Variants in CSMD1 observed in about 807,000 individuals in gnomAD.
The protein encoded by CSMD1 is CUB and Sushi multiple domains 1.
Under a neutral mutation model 417.5 loss-of-function variants are expected in CSMD1, and 213 were observed. That is an observed-to-expected ratio of 0.51 (90% CI 0.46 to 0.57). CSMD1 has a LOEUF of 0.57. CSMD1 is among the 20% of genes least tolerant of loss of function. The pLI is 0.00. For synonymous variants in CSMD1, 2,862 were observed against 1,736.8 expected, an observed-to-expected ratio of 1.65 and a Z score of -16.11; for missense variants, 6,923 against 4,529.7, an observed-to-expected ratio of 1.53 and a Z score of -15.17.
chr8:4,182,956 A>G (rs1242164857), intron 3 of CSMD1, among the ~76,000 whole-genome samples: 3 of 152,192 alleles, frequency 2.0e-5, no homozygotes, highest in African/African-American at 7.2e-5. Context: ...ATAATGGCCA[A>G]TAAAGAAAGA....
At chr8:3,253,441 A>T (rs1472682369) in intron 26 of CSMD1, among the ~76,000 whole-genome samples, 1 of 152,054 alleles carries the variant, frequency 6.6e-6, no homozygotes, top group Non-Finnish European at 1.5e-5. Flanking sequence ...GGAGTGCTTT[A>T]CTTCCAACTA....
chr8:4,679,090 C>T (rs955019109), intron 1 of CSMD1, among the ~76,000 whole-genome samples: 8 of 152,178 alleles, frequency 5.3e-5, no homozygotes, highest in Non-Finnish European at 8.8e-5. Context: ...GGTAGCCTCA[C>T]ATCTGGTCAT....
intron 1 of CSMD1, among the ~76,000 whole-genome samples, chr8:4,723,742 T>C (rs1809219561): frequency 6.7e-6 from 1 of 148,874 alleles, no homozygotes; most frequent in Non-Finnish European, 1.5e-5. Context: ...AATTTTCATA[T>C]GTGCTGTAAG....
chr8:3,556,414 T>TATATATA (rs1349911850), intron 10 of CSMD1, among the ~76,000 whole-genome samples: 6 of 142,002 alleles, frequency 4.2e-5, no homozygotes, highest in Admixed American at 1.4e-4. Context: ...TATATATATA[T>TATATATA]TCACACACAC....
intron 5 of CSMD1, among the ~76,000 whole-genome samples, chr8:3,951,049 G>C (rs897719292): frequency 5.9e-5 from 9 of 152,180 alleles, no homozygotes; most frequent in African/African-American, 1.9e-4. Context: ...GATTTTTAAA[G>C]CTGTTTCAAC....
At chr8:4,903,185 T>C (rs1212193457) in intron 1 of CSMD1, among the ~76,000 whole-genome samples, 1 of 152,164 alleles carries the variant, frequency 6.6e-6, no homozygotes, top group African/African-American at 2.4e-5. Flanking sequence ...CACAGGAACA[T>C]TTGTTATTTA....
At chr8:3,202,484 G>C (rs541349262) in intron 31 of CSMD1, among the ~76,000 whole-genome samples, 10 of 152,270 alleles carry the variant, frequency 6.6e-5, no homozygotes, top group Admixed American at 3.9e-4. Context: ...TACATGCTTT[G>C]TGACTTCAAA....
chr8:4,627,237 C>G (rs1802170937), intron 2 of CSMD1, among the ~76,000 whole-genome samples: 2 of 152,104 alleles, frequency 1.3e-5, no homozygotes, highest in Non-Finnish European at 2.9e-5. Flanking sequence ...TGTCCAGTCA[C>G]TTGAAATGGG....
intron 22 of CSMD1, among the ~76,000 whole-genome samples, chr8:3,347,201 T>C (rs926611354): frequency 6.6e-6 from 1 of 152,262 alleles, no homozygotes; most frequent in East Asian, 1.9e-4. Flanking sequence ...GATAGTATTA[T>C]AGCATTAGCT....
intron 5 of CSMD1, among the ~76,000 whole-genome samples, chr8:3,909,226 T>A (rs1563200803): frequency 6.6e-6 from 1 of 152,164 alleles, no homozygotes; most frequent in Non-Finnish European, 1.5e-5. Flanking sequence ...CCTCTCAACC[T>A]CGTCCTGGCT....
chr8:4,788,618 A>C, intron 1 of CSMD1: 1 of 914,408 alleles, frequency 1.1e-6, no homozygotes, highest in East Asian at 2.4e-5. Flanking sequence ...TTTAGGGGAA[A>C]AACTACAAAT....
At chr8:3,232,462 A>G (rs1798897891) in intron 26 of CSMD1, among the ~76,000 whole-genome samples, 1 of 152,178 alleles carries the variant, frequency 6.6e-6, no homozygotes, top group African/African-American at 2.4e-5. Flanking sequence ...CATTGCAGGA[A>G]TGCACCATGA....
chr8:4,400,661 C>T (rs934919647), intron 3 of CSMD1, among the ~76,000 whole-genome samples: 1 of 152,012 alleles, frequency 6.6e-6, no homozygotes, highest in African/African-American at 2.4e-5. Flanking sequence ...TAATACAACC[C>T]ATATTTTAGG....
intron 27 of CSMD1, among the ~76,000 whole-genome samples, chr8:3,226,136 T>G (rs1798489143): frequency 1.3e-5 from 2 of 152,216 alleles, no homozygotes; most frequent in African/African-American, 4.8e-5. Context: ...AATAGACACC[T>G]TTATGTCAGG....
intron 5 of CSMD1, among the ~76,000 whole-genome samples, chr8:3,768,383 A>G (rs1440868498): frequency 6.6e-6 from 1 of 152,222 alleles, no homozygotes; most frequent in Non-Finnish European, 1.5e-5. Flanking sequence ...CCAGCCTTTA[A>G]GGAGTAACAT....
rs1224632438 is a variant in CSMD1 at position 3,308,297 on chromosome 8, T to G, written c.3823+15A>C. On this transcript the variant is annotated intron_variant, in intron 24 of 69. Transcript: ENST00000635120. ...CCTGGCTTTTGCACAATGGTATGAC[T>G]GCTTCCACACTCACCTATGCACGAA... is the stretch of plus-strand genomic sequence containing the variant. 11 of 1,589,840 alleles carry G rather than the reference T, an allele frequency of 6.9e-6. No homozygotes were observed. Among genetic ancestry groups the G allele is most frequent in the Non-Finnish European group, 9.5e-6 (11 of 1,161,400 alleles).
At chr8:3,613,737 A>ACACACCCC (rs71203455) in intron 8 of CSMD1, among the ~76,000 whole-genome samples, 1 of 144,470 alleles carries the variant, frequency 6.9e-6, no homozygotes, top group South Asian at 2.2e-4. Flanking sequence ...ACACACACAC[A>ACACACCCC]CCTCAAAAAA....
intron 2 of CSMD1, among the ~76,000 whole-genome samples, chr8:4,453,120 T>G (rs1302682644): frequency 6.6e-6 from 1 of 151,950 alleles, no homozygotes; most frequent in Non-Finnish European, 1.5e-5. Context: ...TCGGAATTCC[T>G]TGGACACATG....
At chr8:4,186,449 C>T (rs1176524012) in intron 3 of CSMD1, among the ~76,000 whole-genome samples, 1 of 151,780 alleles carries the variant, frequency 6.6e-6, no homozygotes, top group Non-Finnish European at 1.5e-5. Flanking sequence ...CAGGTTTCCA[C>T]CTTGTAAAAT....
Sources: gnomAD v4.1 joint callset for allele counts (sites outside exome capture counted in the v4.1 genomes callset) on GRCh38, gnomAD v4.1.1 for gene constraint, MANE v1.5 for transcripts, NCBI Gene and HGNC (gene_info 2026-07-23, HGNC 2026-07-21) for gene names.